The following TBC1D22A variants were observed in gnomAD, a reference collection of about 807,000 sequenced individuals.
TBC1D22A encodes putative GTPase activator.
TBC1D22A carries 38 observed loss-of-function variants against 60.2 expected under a neutral mutation model. That is an observed-to-expected ratio of 0.63 (90% CI 0.49 to 0.83). The LOEUF (loss-of-function observed/expected upper bound fraction) is 0.83. Ranked by LOEUF, TBC1D22A falls within the 40% of genes least tolerant of loss-of-function variation. TBC1D22A has a pLI of 0.00. For synonymous variants in TBC1D22A, 302 were observed against 281.7 expected (o/e 1.07, Z -0.72); for missense variants, 628 against 701.0 (o/e 0.90, Z 1.18).
In TBC1D22A at chr22:46,875,451, CT is replaced by C. The variant is rs111543085; in HGVS notation, c.638-3191del. 2.2e-3 allele frequency among the ~76,000 whole-genome samples: 334 copies of C among 148,592 alleles called. 5 individuals carry two copies. Among genetic ancestry groups the C allele is most frequent in the African/African-American group, 6.2e-3 (251 of 40,534 alleles). On this transcript the variant is annotated intron_variant, in intron 4 of 12. Coordinates refer to ENST00000337137, the MANE Select transcript of TBC1D22A (RefSeq NM_014346.5). ...TGTGTCTTGTCTGAGGGCAGCAATA[CT>C]TTTTTTTTTTCTTTTTTTTGAGACA...
chr22:47,031,763 G>A (rs1257312338), intron 10 of TBC1D22A, among the ~76,000 whole-genome samples: 1 of 152,162 alleles, frequency 6.6e-6, no homozygotes, highest in Non-Finnish European at 1.5e-5. Flanking sequence ...AGGGTGTGAG[G>A]TGTGTGCCCC....
At chr22:46,974,519 C>G in intron 9 of TBC1D22A, 120 bp downstream of exon 9, 1 of 790,290 alleles carries the variant, frequency 1.3e-6, no homozygotes, top group Non-Finnish European at 2.1e-6. Flanking sequence ...TGAAGCCTCA[C>G]TTTTCTACAT....
chr22:46,942,542 GT>G (rs1305384938), intron 8 of TBC1D22A, among the ~76,000 whole-genome samples: 1 of 151,960 alleles, frequency 6.6e-6, no homozygotes, highest in East Asian at 1.9e-4. Context: ...TTCAAACCGC[GT>G]TAATATTAAA....
At chr22:46,903,094 C>A (rs1030796487) in intron 7 of TBC1D22A, among the ~76,000 whole-genome samples, 1 of 152,166 alleles carries the variant, frequency 6.6e-6, no homozygotes, top group African/African-American at 2.4e-5. Flanking sequence ...GGCCGTGGAT[C>A]TCTCCCTGGT....
At position 47,083,646 on chromosome 22, in the gene TBC1D22A, A is replaced by G. The variant is rs766399998; in HGVS notation, c.1330-27862A>G. Among the ~76,000 whole-genome samples, 188 of 152,192 alleles carry G rather than the reference A, an allele frequency of 1.2e-3. 5 individuals are homozygous for G. The highest frequency in any genetic ancestry group is 4.4e-4 in the Non-Finnish European group (30 of 68,040). ...CTTACCCTTGTGCTGAGCTCTGTGAATCTGTCTGTGAGTGAGGCTTTGGCA... is the reference window on the plus strand; with the variant it reads ...CTTACCCTTGTGCTGAGCTCTGTGAGTCTGTCTGTGAGTGAGGCTTTGGCA... On this transcript the variant is annotated intron_variant, in intron 11 of 12. Coordinates refer to ENST00000337137, the MANE Select transcript of TBC1D22A (RefSeq NM_014346.5).
chr22:46,762,754 C>G lies in TBC1D22A; in HGVS notation c.-33C>G, dbSNP rs1365033918. 1 of 1,416,024 alleles carries G rather than the reference C, an allele frequency of 7.1e-7. No homozygotes were observed. The highest frequency in any genetic ancestry group is 3.9e-5 in the Admixed American group (1 of 25,642). 87.7% of individuals were successfully genotyped at this position (1,416,024 alleles called of 1,614,324 possible). A position where few individuals can be genotyped will look rare whatever the true frequency, so the allele number is the denominator to read the frequency against. The stretch of plus-strand genomic sequence containing the variant: ...GGAGGGCCGGGTGCACTCGGGGTGT[C>G]TGGGCCGCGGGTCTGAGGGATGAGG... On this transcript the variant is annotated 5_prime_UTR_variant, in exon 1 of 13. Coordinates refer to ENST00000337137, the MANE Select transcript of TBC1D22A (RefSeq NM_014346.5).
chr22:46,896,779 C>T (rs374249744), intron 7 of TBC1D22A, among the ~76,000 whole-genome samples: 4 of 152,206 alleles, frequency 2.6e-5, no homozygotes, highest in African/African-American at 7.2e-5. Flanking sequence ...CTGGTTTCCT[C>T]TTCACCGTGG....
chr22:47,155,480 C>G (rs11913362), intron 12 of TBC1D22A, among the ~76,000 whole-genome samples: 4,296 of 152,284 alleles, frequency 0.028, 174 homozygotes, highest in African/African-American at 0.097. Context: ...ACTCCGGGCT[C>G]CCAGGATGGT....
At chr22:47,017,076 C>T (rs2061933160) in intron 10 of TBC1D22A, among the ~76,000 whole-genome samples, 1 of 152,348 alleles carries the variant, frequency 6.6e-6, no homozygotes. Context: ...TTTTCTTCTC[C>T]TGTTTATTGG....
chr22:46,860,712 C>T (rs562116341), intron 4 of TBC1D22A, among the ~76,000 whole-genome samples: 5 of 152,336 alleles, frequency 3.3e-5, no homozygotes, highest in African/African-American at 7.2e-5. Context: ...GCGTGGCCAG[C>T]GTCTTCTGGC....
chr22:46,876,699 C>G (rs568422945), intron 4 of TBC1D22A, among the ~76,000 whole-genome samples: 10 of 152,326 alleles, frequency 6.6e-5, no homozygotes, highest in Admixed American at 5.2e-4. Context: ...TAAGTAGGCG[C>G]CTAGGCCCAT....
chr22:46,908,830 T>C (rs2069680404), intron 7 of TBC1D22A, among the ~76,000 whole-genome samples: 2 of 152,116 alleles, frequency 1.3e-5, no homozygotes, highest in South Asian at 4.1e-4. Context: ...GCCGTGCCTG[T>C]TTGGTGGTCC....
At chr22:47,059,587 A>C (rs897538785) in intron 11 of TBC1D22A, among the ~76,000 whole-genome samples, 1 of 152,172 alleles carries the variant, frequency 6.6e-6, no homozygotes, top group Non-Finnish European at 1.5e-5. Flanking sequence ...GATTCCTTAA[A>C]TTATTTTAAG....
intron 5 of TBC1D22A, among the ~76,000 whole-genome samples, chr22:46,888,692 A>G (rs937971942): frequency 1.3e-5 from 2 of 152,182 alleles, no homozygotes; most frequent in African/African-American, 4.8e-5. Context: ...ACTGCTAGGA[A>G]AAAAACAAGG....
At position 46,807,518 on chromosome 22, in the gene TBC1D22A, C is replaced by T. The variant is rs568273737; in HGVS notation, c.637+9898C>T. Among the ~76,000 whole-genome samples the T allele has an allele frequency of 3.3e-5, 5 of 152,232 alleles. No homozygotes were observed. In the East Asian group the frequency reaches 7.7e-4, roughly 24 times the overall value. On this transcript the variant is annotated intron_variant, in intron 4 of 12. Coordinates refer to ENST00000337137, the MANE Select transcript of TBC1D22A (RefSeq NM_014346.5). ...CTGTGTGACAAAGCCATTTGCTTGA[C>T]GACACGCTGGCACTACTTGGCACTG...
At chr22:46,833,505 G>T (rs905040653) in intron 4 of TBC1D22A, among the ~76,000 whole-genome samples, 2 of 152,242 alleles carry the variant, frequency 1.3e-5, no homozygotes, top group African/African-American at 4.8e-5. Context: ...GGCTCAAGCT[G>T]CCTTGCCTGA....
intron 10 of TBC1D22A, among the ~76,000 whole-genome samples, chr22:47,005,318 C>A (rs1376385789): frequency 6.6e-6 from 1 of 151,462 alleles, no homozygotes; most frequent in Non-Finnish European, 1.5e-5. Context: ...GTACCCCCTA[C>A]ACACATGCCT....
At chr22:47,130,108 G>A (rs117029835) in intron 12 of TBC1D22A, among the ~76,000 whole-genome samples, 2,164 of 152,302 alleles carry the variant, frequency 0.014, 19 homozygotes, top group Middle Eastern at 0.068. Context: ...CACGTGCACT[G>A]TGCCTGTCAT....
At chr22:46,771,143 A>C (rs1208290525) in intron 1 of TBC1D22A, among the ~76,000 whole-genome samples, 1 of 152,124 alleles carries the variant, frequency 6.6e-6, no homozygotes. Context: ...CTCTGGGTTA[A>C]TTTTAAATGA....
Sources: allele counts gnomAD v4.1 joint callset (sites outside exome capture counted in the v4.1 genomes callset), GRCh38; gene constraint gnomAD v4.1.1; transcripts MANE v1.5; gene names NCBI Gene and HGNC (gene_info 2026-07-23, HGNC 2026-07-21).